SCAP: variants seen among roughly 807,000 people sequenced by gnomAD.
SCAP encodes the protein SREBF chaperone.
Under a neutral mutation model 123.6 loss-of-function variants are expected in SCAP, and 65 were observed. That is an observed-to-expected ratio of 0.53 (90% CI 0.43 to 0.65). The LOEUF is 0.65. Ranked by LOEUF, SCAP falls within the 30% of genes least tolerant of loss-of-function variation. SCAP has a pLI of 0.00. For missense variants in SCAP, 1,398 were observed against 1,712.5 expected (o/e 0.82, Z 3.24); for synonymous variants, 740 against 726.3 (o/e 1.02, Z -0.30).
chr3:47,444,262 G>C (rs1223170519), intron 1 of SCAP, among the ~76,000 whole-genome samples: 5 of 152,090 alleles, frequency 3.3e-5, no homozygotes, highest in Non-Finnish European at 7.4e-5. Context: ...GTCTGTGCTA[G>C]AGGGAACCTG....
At chr3:47,463,904 C>T (rs1241672510) in intron 1 of SCAP, among the ~76,000 whole-genome samples, 2 of 151,874 alleles carry the variant, frequency 1.3e-5, no homozygotes, top group Non-Finnish European at 2.9e-5. Flanking sequence ...GTTGTACAAT[C>T]GTGGCTCACT....
rs1705670827 is a variant in SCAP, at chr3:47,417,844, G to GGGGT, written c.2448-19_2448-18insACCC. ...GCTGCCTGCTGGGGGCCAGGAGGGC[G>GGGGT]GAGTGAGAGGGGGCACGGGGGAGGG... On this transcript the variant is annotated intron_variant, in intron 16 of 22. Coordinates refer to ENST00000265565, the MANE Select transcript of SCAP (RefSeq NM_012235.4). 4.6e-6 allele frequency: 7 copies of GGGGT among 1,526,058 alleles called. No individual in the cohort carries two copies. The highest frequency in any genetic ancestry group is 1.9e-5 in the Admixed American group (1 of 52,944). 94.5% of individuals were successfully genotyped at this position (1,526,058 alleles called of 1,614,324 possible). A position where few individuals can be genotyped will look rare whatever the true frequency, so the allele number is the denominator to read the frequency against.
chr3:47,423,877 C>T, intron 9 of SCAP, 56 bp downstream of exon 9: 1 of 1,222,130 alleles, frequency 8.2e-7, no homozygotes, highest in South Asian at 1.2e-5. Context: ...GCAAGAGGAA[C>T]AGGCCCCATT....
chr3:47,418,626 T>TTGGCCC, intron 14 of SCAP, 29 bp downstream of exon 14: 2 of 1,459,570 alleles, frequency 1.4e-6, no homozygotes, highest in Non-Finnish European at 1.9e-6. Flanking sequence ...CCGCACTCTT[T>TTGGCCC]CCCACCCCAC....
intron 2 of SCAP, among the ~76,000 whole-genome samples, chr3:47,440,385 C>G (rs1201815388): frequency 1.3e-5 from 2 of 152,090 alleles, no homozygotes. Context: ...GTTTTCTGGC[C>G]AAGTCCCAGA....
chr3:47,448,716 G>A (rs1707145879), intron 1 of SCAP, among the ~76,000 whole-genome samples: 1 of 128,688 alleles, frequency 7.8e-6, no homozygotes, highest in Non-Finnish European at 1.7e-5. Flanking sequence ...ATAAATTTCT[G>A]ATTTTCTGTT....
intron 3 of SCAP, among the ~76,000 whole-genome samples, chr3:47,432,053 G>A (rs1405180093): frequency 6.6e-6 from 1 of 152,028 alleles, no homozygotes; most frequent in Admixed American, 6.6e-5. Flanking sequence ...GGTGGCTCAC[G>A]CCTGTAATCC....
chr3:47,427,116 C>T (rs769064345), intron 6 of SCAP, 41 bp downstream of exon 6: 3 of 1,431,250 alleles, frequency 2.1e-6, no homozygotes, highest in South Asian at 1.1e-5. Flanking sequence ...CTCATGTCAC[C>T]CAGCAGACCA....
Position 47,419,720 on chromosome 3 carries a change from G to A in SCAP, c.1564-16C>T. ...CGGTGCCAGCCTGCAGTGGGGCAGG[G>A]GGTACTCAGTGGGAGGAATGGGCCC... On this transcript the variant is annotated splice_polypyrimidine_tract_variant and intron_variant, in intron 12 of 22. Transcript: ENST00000265565. This position sits in a 1 kb window ranked among gnomAD's most constrained non-coding sequence, Gnocchi z 5.0. 6.6e-7 allele frequency: 1 copy of A among 1,514,216 alleles called. No homozygotes were observed. 93.8% of individuals were successfully genotyped at this position (1,514,216 alleles called of 1,614,324 possible). A position where few individuals can be genotyped will look rare whatever the true frequency, so the allele number is the denominator to read the frequency against.
At chr3:47,428,745 T>G (rs2107831855) in intron 3 of SCAP, 75 bp from the exon 4 acceptor site, 1 of 1,517,532 alleles carries the variant, frequency 6.6e-7, no homozygotes, top group Non-Finnish European at 9.0e-7. Flanking sequence ...TTCAAGGGAT[T>G]TAATGGGCAT....
In SCAP at chr3:47,418,538, G is replaced by T. The variant is rs538275805; in HGVS notation, c.2130-16C>A. The stretch of plus-strand genomic sequence containing the variant: ...CGCCGCCACCCTGCACGGGAGGGCG[G>T]ACTGCTGTGAGACACACCTCACAGC... On this transcript the variant is annotated splice_polypyrimidine_tract_variant and intron_variant, in intron 14 of 22. Transcript: ENST00000265565. 1.3e-6 allele frequency: 2 copies of T among 1,576,218 alleles called. No individual in the cohort carries two copies. Among genetic ancestry groups the T allele is most frequent in the African/African-American group, 1.3e-5 (1 of 74,406 alleles).
In SCAP at chr3:47,420,824, G is replaced by A. The variant is rs749056011; in HGVS notation, c.1345-52C>T. 25 of 1,551,144 alleles carry A rather than the reference G, an allele frequency of 1.6e-5. No homozygotes were observed. The highest frequency in any genetic ancestry group is 4.3e-5 in the African/African-American group (3 of 69,664). Reference sequence around the variant, plus strand: ...TGAGTCCACCATCCAGAGGCTGCTCGCACAGGACCGCTGTCCTGCCCGAGG... The same window carrying A: ...TGAGTCCACCATCCAGAGGCTGCTCACACAGGACCGCTGTCCTGCCCGAGG... On this transcript the variant is annotated intron_variant, in intron 11 of 22. Coordinates refer to ENST00000265565, the MANE Select transcript of SCAP (RefSeq NM_012235.4). The surrounding 1 kb of genome is among the most constrained non-coding windows in gnomAD (Gnocchi z 5.0).
At position 47,456,822 on chromosome 3, in the gene SCAP, T is replaced by C. The variant is rs183094745; in HGVS notation, c.-98-13731A>G. ...TAAATAAGATCTGGAAAAATACAAC[T>C]GCAATTCATATCGCTGACAAGGTGC... On this transcript the variant is annotated intron_variant, in intron 1 of 22. Coordinates refer to ENST00000265565, the MANE Select transcript of SCAP (RefSeq NM_012235.4). Among the ~76,000 whole-genome samples the C allele has an allele frequency of 3.7e-3, 564 of 151,900 alleles. 1 individual carries two copies. The highest frequency in any genetic ancestry group is 4.8e-3 in the Non-Finnish European group (324 of 67,976).
At chr3:47,470,884 T>C (rs1231538111) in intron 1 of SCAP, among the ~76,000 whole-genome samples, 2 of 151,992 alleles carry the variant, frequency 1.3e-5, no homozygotes, top group African/African-American at 4.8e-5. Flanking sequence ...AAAAAAACCT[T>C]ACCAGTTCCC....
Position 47,419,809 on chromosome 3 carries a change from A to G in SCAP, c.1564-105T>C, listed in dbSNP as rs1705809694. 3.0e-6 allele frequency: 4 copies of G among 1,353,372 alleles called. No individual in the cohort carries two copies. The highest frequency in any genetic ancestry group is 4.0e-6 in the Non-Finnish European group (4 of 1,011,300). The allele number at this position is 1,353,372 out of a possible 1,614,324, so 83.8% of individuals were successfully genotyped here. On this transcript the variant is annotated intron_variant, in intron 12 of 22. Coordinates refer to ENST00000265565, the MANE Select transcript of SCAP (RefSeq NM_012235.4). This position sits in a 1 kb window ranked among gnomAD's most constrained non-coding sequence, Gnocchi z 5.0. ...CAGCACAGGGACCTCAGGCCTGGGG[A>G]TGGAGAGAGGACACAGGCCCCACTG...
chr3:47,416,121 C>T (rs1487531788), intron 18 of SCAP, among the ~76,000 whole-genome samples: 1 of 152,252 alleles, frequency 6.6e-6, no homozygotes, highest in African/African-American at 2.4e-5. Context: ...AGGAAAAAGA[C>T]TCCAGCTCTA....
intron 3 of SCAP, among the ~76,000 whole-genome samples, chr3:47,433,263 T>C (rs549514347): frequency 6.6e-6 from 1 of 152,306 alleles, no homozygotes; most frequent in African/African-American, 2.4e-5. Context: ...GGACAGCCAA[T>C]GGAGGTGAGA....
chr3:47,434,235 G>A (rs1013541941), intron 3 of SCAP, among the ~76,000 whole-genome samples: 6 of 152,158 alleles, frequency 3.9e-5, no homozygotes, highest in African/African-American at 9.7e-5. Context: ...AGCTCTGTTC[G>A]CTGAGCTTTG....
chr3:47,418,626 T>TCCCAC, intron 14 of SCAP, 29 bp downstream of exon 14: 3 of 1,459,578 alleles, frequency 2.1e-6, no homozygotes, highest in Admixed American at 1.8e-5. Context: ...CCGCACTCTT[T>TCCCAC]CCCACCCCAC....
Sources: allele counts gnomAD v4.1 joint callset (sites outside exome capture counted in the v4.1 genomes callset), GRCh38; gene constraint gnomAD v4.1.1; non-coding constraint Gnocchi (gnomAD v3.1); transcripts MANE v1.5; gene names NCBI Gene and HGNC (gene_info 2026-07-23, HGNC 2026-07-21).